The following ARHGAP42 variants were observed in gnomAD, a reference collection of about 807,000 sequenced individuals.
ARHGAP42 encodes the protein Rho GTPase activating protein 42, also known as rho GTPase-activating protein 42.
In ARHGAP42, 63 loss-of-function variants were observed where a neutral mutation model predicts 125.0. The observed-to-expected ratio is 0.50, with a 90% CI of 0.41 to 0.62. The LOEUF is 0.62. Ranked by LOEUF, ARHGAP42 falls within the 20% of genes least tolerant of loss-of-function variation. ARHGAP42 has a pLI of 0.00. For missense variants in ARHGAP42, 766 were observed against 1,024.2 expected (o/e 0.75, Z 3.44); for synonymous variants, 339 against 351.0 (o/e 0.97, Z 0.38).
chr11:100,885,531 C>A (rs1285209584), intron 4 of ARHGAP42, among the ~76,000 whole-genome samples: 1 of 152,112 alleles, frequency 6.6e-6, no homozygotes. Flanking sequence ...ACTTTAAAAA[C>A]CAATTATTTG....
Position 100,779,485 on chromosome 11 carries a change from T to TATAC in ARHGAP42, c.250+9048_250+9049insTACA, listed in dbSNP as rs1312550660. On this transcript the variant is annotated intron_variant, in intron 2 of 23. Coordinates refer to ENST00000298815, the MANE Select transcript of ARHGAP42 (RefSeq NM_152432.4). ...AAAAAAAAATATATATATATATATATACACACACACACATATATACACGTA... is the reference window on the plus strand; with the variant it reads ...AAAAAAAAATATATATATATATATATATACACACACACACACATATATACACGTA... 4.9e-4 allele frequency among the ~76,000 whole-genome samples: 40 copies of TATAC among 81,422 alleles called. 1 individual carries two copies. The highest frequency in any genetic ancestry group is 1.6e-3 in the African/African-American group (36 of 23,126). The allele number at this position is 81,422 out of a possible 152,430, so 53.4% of individuals were successfully genotyped here.
At chr11:100,911,454 T>A (rs1866914755) in intron 4 of ARHGAP42, among the ~76,000 whole-genome samples, 1 of 152,096 alleles carries the variant, frequency 6.6e-6, no homozygotes, top group Non-Finnish European at 1.5e-5. Context: ...TGGCATTTAT[T>A]TGAGCTGGAT....
At chr11:100,977,006 A>G in intron 21 of ARHGAP42, 35 bp downstream of exon 21, 2 of 1,548,210 alleles carry the variant, frequency 1.3e-6, no homozygotes, top group Non-Finnish European at 1.7e-6. Context: ...TGTGTCTCCC[A>G]GGGATACAGA....
At chr11:100,837,551 T>C (rs1864821053) in intron 3 of ARHGAP42, among the ~76,000 whole-genome samples, 1 of 151,718 alleles carries the variant, frequency 6.6e-6, no homozygotes, top group African/African-American at 2.4e-5. Flanking sequence ...GCCTGCAAGG[T>C]GGTCAGGGCT....
chr11:100,969,773 A>C (rs571592965), intron 17 of ARHGAP42, among the ~76,000 whole-genome samples: 1 of 152,084 alleles, frequency 6.6e-6, no homozygotes, highest in African/African-American at 2.4e-5. Context: ...GACTTCTTTG[A>C]AGTCTTTTTC....
intron 3 of ARHGAP42, among the ~76,000 whole-genome samples, chr11:100,813,944 C>T (rs1349213926): frequency 6.6e-6 from 1 of 152,134 alleles, no homozygotes; most frequent in Non-Finnish European, 1.5e-5. Flanking sequence ...CCTGTAATCC[C>T]AGCACTTTGG....
intron 3 of ARHGAP42, among the ~76,000 whole-genome samples, chr11:100,833,668 C>G (rs1251668015): frequency 6.6e-6 from 1 of 152,178 alleles, no homozygotes; most frequent in Non-Finnish European, 1.5e-5. Context: ...AATATGACTT[C>G]CAAAACTTCT....
intron 4 of ARHGAP42, among the ~76,000 whole-genome samples, chr11:100,860,181 A>G (rs960835601): frequency 1.3e-5 from 2 of 152,114 alleles, no homozygotes; most frequent in African/African-American, 4.8e-5. Context: ...GGGAGCATAT[A>G]AAACTTAAGG....
chr11:100,926,200 G>A (rs766094472), intron 6 of ARHGAP42, among the ~76,000 whole-genome samples: 3 of 152,142 alleles, frequency 2.0e-5, no homozygotes, highest in Non-Finnish European at 4.4e-5. Flanking sequence ...TGTTTTGTGA[G>A]CAACTACTAT....
At chr11:100,796,768 C>CTTT (rs35175302) in intron 3 of ARHGAP42, among the ~76,000 whole-genome samples, 2 of 119,010 alleles carry the variant, frequency 1.7e-5, no homozygotes, top group South Asian at 2.9e-4. Flanking sequence ...CTTTTTAATT[C>CTTT]TTTTTTTTTT....
intron 4 of ARHGAP42, among the ~76,000 whole-genome samples, chr11:100,898,626 T>C (rs545829830): frequency 1.1e-4 from 16 of 152,292 alleles, no homozygotes; most frequent in African/African-American, 2.2e-4. Flanking sequence ...AGTTTATTTG[T>C]GTAGAGGTGT....
At chr11:100,883,657 A>G (rs79785625) in intron 4 of ARHGAP42, among the ~76,000 whole-genome samples, 1,604 of 152,268 alleles carry the variant, frequency 0.011, 18 homozygotes, top group Non-Finnish European at 0.017. Flanking sequence ...CACAGTAAAA[A>G]TGTTGATATT....
At chr11:100,882,726 C>T (rs534846133) in intron 4 of ARHGAP42, among the ~76,000 whole-genome samples, 1 of 152,000 alleles carries the variant, frequency 6.6e-6, no homozygotes, top group Non-Finnish European at 1.5e-5. Context: ...CTGTCTGGTC[C>T]TGGACTTTTT....
At chr11:100,749,601 G>T (rs924796538) in intron 1 of ARHGAP42, among the ~76,000 whole-genome samples, 1 of 152,114 alleles carries the variant, frequency 6.6e-6, no homozygotes, top group East Asian at 1.9e-4. Context: ...CTTCCCACTC[G>T]TGTTGTCCTC....
chr11:100,881,030 G>A (rs1256653663), intron 4 of ARHGAP42, among the ~76,000 whole-genome samples: 1 of 152,090 alleles, frequency 6.6e-6, no homozygotes, highest in East Asian at 1.9e-4. Context: ...CTGCCACCCT[G>A]TGGGTTGTCT....
At chr11:100,690,754 A>G (rs1459563125) in intron 1 of ARHGAP42, among the ~76,000 whole-genome samples, 4 of 151,318 alleles carry the variant, frequency 2.6e-5, no homozygotes, top group African/African-American at 9.7e-5. Flanking sequence ...CCGCCACCAC[A>G]CCTGGCTAAT....
At chr11:100,939,892 T>C (rs895549166) in intron 8 of ARHGAP42, among the ~76,000 whole-genome samples, 2 of 152,178 alleles carry the variant, frequency 1.3e-5, no homozygotes, top group Non-Finnish European at 2.9e-5. Flanking sequence ...TGTCAGAGCA[T>C]TGCAGCAGCT....
chr11:100,896,177 C>T (rs1035621409), intron 4 of ARHGAP42, among the ~76,000 whole-genome samples: 13 of 152,120 alleles, frequency 8.5e-5, no homozygotes, highest in African/African-American at 3.1e-4. Flanking sequence ...TGAACTCATC[C>T]TTTTTTATGG....
chr11:100,753,576 C>T (rs1862507265), intron 1 of ARHGAP42, among the ~76,000 whole-genome samples: 1 of 152,234 alleles, frequency 6.6e-6, no homozygotes, highest in South Asian at 2.1e-4. Context: ...TTGAGAGCTT[C>T]TTTCAACCTG....
Sources: gnomAD v4.1 joint callset for allele counts (sites outside exome capture counted in the v4.1 genomes callset) on GRCh38, gnomAD v4.1.1 for gene constraint, MANE v1.5 for transcripts, NCBI Gene and HGNC (gene_info 2026-07-23, HGNC 2026-07-21) for gene names.